BRD7: variants seen among roughly 807,000 people sequenced by gnomAD.
BRD7 encodes the protein bromodomain containing 7, also known as bromodomain-containing protein 7.
A neutral mutation model predicts 82.1 loss-of-function variants in BRD7; 15 were observed. The observed-to-expected ratio is 0.18, with a 90% CI of 0.12 to 0.28. The LOEUF is 0.28. Ranked by LOEUF, BRD7 falls within the 10% of genes least tolerant of loss-of-function variation. BRD7 has a pLI of 1.00. For missense variants in BRD7, 638 were observed against 779.9 expected (o/e 0.82, Z 2.17); for synonymous variants, 232 against 266.9 (o/e 0.87, Z 1.27).
chr16:50,323,075 TC>T (rs2151134620), intron 12 of BRD7, among the ~76,000 whole-genome samples: 1 of 152,366 alleles, frequency 6.6e-6, no homozygotes, highest in South Asian at 2.1e-4. Context: ...AGGAACATTT[TC>T]TGGTTCTAAT....
At chr16:50,359,621 C>G (rs1375849110) in intron 2 of BRD7, among the ~76,000 whole-genome samples, 1 of 151,780 alleles carries the variant, frequency 6.6e-6, no homozygotes, top group East Asian at 1.9e-4. Context: ...CATTAAATAA[C>G]TCATTAAAAA....
At chr16:50,345,967 T>C (rs571764691) in intron 5 of BRD7, among the ~76,000 whole-genome samples, 2 of 152,334 alleles carry the variant, frequency 1.3e-5, no homozygotes, top group South Asian at 4.2e-4. Context: ...AGAATATACA[T>C]TCTTCTCAGC....
At chr16:50,330,998 A>C (rs1372468872) in intron 8 of BRD7, among the ~76,000 whole-genome samples, 1 of 152,164 alleles carries the variant, frequency 6.6e-6, no homozygotes, top group African/African-American at 2.4e-5. Context: ...TACAATATCA[A>C]TTTACAAAAA....
At chr16:50,360,642 CT>C (rs2151205711) in intron 2 of BRD7, among the ~76,000 whole-genome samples, 1 of 152,310 alleles carries the variant, frequency 6.6e-6, no homozygotes, top group East Asian at 1.9e-4. Context: ...ACTTTCATGT[CT>C]GATTCCTGGG....
chr16:50,350,582 T>C (rs956183916), intron 4 of BRD7, among the ~76,000 whole-genome samples: 16 of 152,214 alleles, frequency 1.1e-4, no homozygotes, highest in African/African-American at 3.9e-4. Context: ...TATTAATTTC[T>C]AATAGGCTTG....
At chr16:50,321,096 G>C (rs116622622) in intron 13 of BRD7, among the ~76,000 whole-genome samples, 2,413 of 152,304 alleles carry the variant, frequency 0.016, 57 homozygotes, top group African/African-American at 0.054. Flanking sequence ...TGCTTAAACT[G>C]TGAAGAGCTT....
intron 2 of BRD7, among the ~76,000 whole-genome samples, chr16:50,363,106 G>C (rs1279135043): frequency 6.6e-6 from 1 of 152,150 alleles, no homozygotes; most frequent in Non-Finnish European, 1.5e-5. Context: ...TAATCATAAT[G>C]GGTGTGTATA....
At chr16:50,349,931 C>A in intron 5 of BRD7, 92 bp downstream of exon 5, 3 of 1,205,262 alleles carry the variant, frequency 2.5e-6, no homozygotes, top group Non-Finnish European at 3.4e-6. Context: ...AAACTCAATT[C>A]TTTGCAAAAT....
chr16:50,365,377 T>TA (rs1488696291), intron 2 of BRD7, among the ~76,000 whole-genome samples: 1 of 152,246 alleles, frequency 6.6e-6, no homozygotes, highest in East Asian at 1.9e-4. Flanking sequence ...GAGTCCCTGT[T>TA]AGTCACTCTA....
rs559232524 is a variant in BRD7 at position 50,334,882 on chromosome 16, C to T, written c.716G>A (p.Ser239Asn). ...CATGAAGTCTATGCTCTGCTTCAGG[C>T]TCTGAATTCTTTCCTAAACATATTC... ...MKILSQERIQ[S>N]LKQSIDFMAD... The change falls in exon 7 of 17, where the codon AGC (serine) becomes AAC (asparagine). Residue 239 changes from serine (S) to asparagine (N), a missense_variant. This residue lies in a region of BRD7 where 402 missense variants were observed against 500.8 expected (regional missense o/e 0.80). Coordinates refer to ENST00000394688, the MANE Select transcript of BRD7 (RefSeq NM_013263.5). 1.2e-5 allele frequency: 20 copies of T among 1,612,754 alleles called. No individual in the cohort carries two copies. The South Asian group carries it at 1.8e-4, about 14-fold the overall frequency.
intron 9 of BRD7, among the ~76,000 whole-genome samples, chr16:50,327,288 T>TGGAAACCCA (rs1397709604): frequency 6.6e-6 from 1 of 152,092 alleles, no homozygotes; most frequent in African/African-American, 2.4e-5. Flanking sequence ...TCTCAGAAAC[T>TGGAAACCCA]GGAAACCCAG....
rs142771551 is a variant in BRD7, at chr16:50,319,694, G to A, written c.1900+193C>T. Among the ~76,000 whole-genome samples, 12 of 152,300 alleles carry A rather than the reference G, an allele frequency of 7.9e-5. No individual in the cohort carries two copies. In the South Asian group the frequency reaches 1.2e-3, roughly 16 times the overall value. The stretch of plus-strand genomic sequence containing the variant: ...TGAAGTATATAAGTAGAGATGATTT[G>A]AAGTATACTGGAGGTTGTGTGTAGG... On this transcript the variant is annotated intron_variant, in intron 16 of 16. Transcript: ENST00000394688.
At chr16:50,358,495 CAAA>C (rs371307047) in intron 2 of BRD7, among the ~76,000 whole-genome samples, 12 of 122,020 alleles carry the variant, frequency 9.8e-5, no homozygotes, top group Admixed American at 8.3e-5. Flanking sequence ...GATCCTGTCT[CAAA>C]AAAAAAAAAA....
intron 2 of BRD7, among the ~76,000 whole-genome samples, chr16:50,362,700 G>C (rs984824430): frequency 6.6e-6 from 1 of 152,148 alleles, no homozygotes; most frequent in African/African-American, 2.4e-5. Flanking sequence ...GCTACAAAAA[G>C]ACAAATACTG....
chr16:50,333,647 C>A lies in BRD7; in HGVS notation c.938G>T (p.Arg313Ile), dbSNP rs759894681. 1 of 1,610,410 alleles carries A rather than the reference C, an allele frequency of 6.2e-7. No homozygotes were observed. Among genetic ancestry groups the A allele is most frequent in the Admixed American group, 1.7e-5 (1 of 59,990 alleles). ...EDKFKSNNLE[R>I]EQEQLDRIVK... Reference sequence around the variant, plus strand: ...GATGCGGTCAAGCTGCTCCTGCTCTCTCTCTAAATTATTGCTTTTAAACTT... The same window carrying A: ...GATGCGGTCAAGCTGCTCCTGCTCTATCTCTAAATTATTGCTTTTAAACTT... Residue 313 changes from arginine (R) to isoleucine (I), a missense_variant, in exon 8 of 17, where the codon AGA (arginine) becomes ATA (isoleucine). Coordinates refer to ENST00000394688, the MANE Select transcript of BRD7 (RefSeq NM_013263.5).
intron 16 of BRD7, among the ~76,000 whole-genome samples, chr16:50,319,543 C>G (rs923568358): frequency 6.6e-6 from 1 of 152,028 alleles, no homozygotes; most frequent in Non-Finnish European, 1.5e-5. Flanking sequence ...CCTTCTTATC[C>G]ATGGGTTCCA....
chr16:50,347,187 A>G (rs187916040), intron 5 of BRD7, among the ~76,000 whole-genome samples: 2,454 of 152,346 alleles, frequency 0.016, 58 homozygotes, highest in African/African-American at 0.055. Context: ...AGATGCAGAA[A>G]AGGCCTTTGA....
chr16:50,320,221 T>G (rs1555528413), intron 15 of BRD7, 27 bp downstream of exon 15: 1 of 1,597,842 alleles, frequency 6.3e-7, no homozygotes, highest in Non-Finnish European at 8.5e-7. Context: ...ATCCCGTGAC[T>G]CTCCTCTTAT....
At chr16:50,361,289 T>A (rs1197140595) in intron 2 of BRD7, among the ~76,000 whole-genome samples, 4 of 152,238 alleles carry the variant, frequency 2.6e-5, no homozygotes, top group Non-Finnish European at 1.5e-5. Flanking sequence ...CATTAAAGTT[T>A]TACTTAATTT....
Sources: allele counts gnomAD v4.1 joint callset (sites outside exome capture counted in the v4.1 genomes callset), GRCh38; gene constraint gnomAD v4.1.1; regional missense constraint gnomAD v4.1.1; transcripts MANE v1.5; gene names NCBI Gene and HGNC (gene_info 2026-07-23, HGNC 2026-07-21).